Variants in UBE2E2 observed in about 807,000 individuals in gnomAD.
UBE2E2 encodes ubiquitin-conjugating enzyme E2 E2.
In UBE2E2, 6 loss-of-function variants were observed where a neutral mutation model predicts 24.7. That is an observed-to-expected ratio of 0.24 (90% confidence interval 0.13 to 0.48). The LOEUF (loss-of-function observed/expected upper bound fraction) is 0.48, where lower values mean the gene tolerates loss of function less well. Among genes scored for constraint, UBE2E2 ranks in the 20% least tolerant of loss-of-function variants. The pLI, the probability that UBE2E2 is intolerant of heterozygous loss-of-function variation, is 0.99. For synonymous variants in UBE2E2, 104 were observed against 83.6 expected, an observed-to-expected ratio of 1.24 and a Z score of -1.33; for missense variants, 169 against 245.0, an observed-to-expected ratio of 0.69 and a Z score of 2.07.
chr3:23,497,967 GATTTTTGCATTTGC>G (rs1370050687), intron 3 of UBE2E2, among the ~76,000 whole-genome samples: 1 of 152,088 alleles, frequency 6.6e-6, no homozygotes, highest in Non-Finnish European at 1.5e-5. Context: ...GTCAGGCATT[GATTTTTGCATTTGC>G]ATTTTGTAAA....
chr3:23,509,726 C>A (rs1485897357), intron 4 of UBE2E2, among the ~76,000 whole-genome samples: 1 of 120,024 alleles, frequency 8.3e-6, no homozygotes, highest in East Asian at 3.0e-4. Flanking sequence ...ATCCCTCCCC[C>A]CTCCCCCCAC....
chr3:23,567,371 A>G (rs745436904), intron 5 of UBE2E2, among the ~76,000 whole-genome samples: 5 of 152,224 alleles, frequency 3.3e-5, no homozygotes, highest in East Asian at 3.8e-4. Context: ...GGTTTAAACA[A>G]CAGTATGTTC....
chr3:23,463,461 C>T (rs1698854533), intron 3 of UBE2E2, among the ~76,000 whole-genome samples: 1 of 151,954 alleles, frequency 6.6e-6, no homozygotes, highest in African/African-American at 2.4e-5. Flanking sequence ...CAGTTTCTAC[C>T]ATATATTGAC....
intron 4 of UBE2E2, among the ~76,000 whole-genome samples, chr3:23,513,490 C>G (rs1694654463): frequency 6.6e-6 from 1 of 151,982 alleles, no homozygotes; most frequent in African/African-American, 2.4e-5. Context: ...TAATCTTTTG[C>G]CATCACAAAT....
chr3:23,379,465 A>G (rs533826772), intron 3 of UBE2E2, among the ~76,000 whole-genome samples: 31 of 143,732 alleles, frequency 2.2e-4, no homozygotes, highest in Admixed American at 7.3e-4. Context: ...TCATTGTTCA[A>G]TTCCCACCTA....
chr3:23,400,263 AC>A (rs995281665), intron 3 of UBE2E2, among the ~76,000 whole-genome samples: 1 of 152,216 alleles, frequency 6.6e-6, no homozygotes, highest in African/African-American at 2.4e-5. Context: ...TAGAATTCTT[AC>A]CAATTTCTTT....
chr3:23,271,141 C>T lies in UBE2E2; in HGVS notation c.227+53829C>T, dbSNP rs1358741003. On this transcript the variant is annotated intron_variant, in intron 3 of 5. Transcript: ENST00000396703. Reference sequence around the variant, plus strand: ...TTCAGAAACTTGTATTCTAATGGACCTTCAAAAGATGGCAAGTATTGTGTC... The same window carrying T: ...TTCAGAAACTTGTATTCTAATGGACTTTCAAAAGATGGCAAGTATTGTGTC... 3 of 420,196 alleles carry T rather than the reference C, an allele frequency of 7.1e-6. No homozygotes were observed. The Admixed American group carries it at 8.4e-5, about 12-fold the overall frequency. The allele number at this position is 420,196 out of a possible 1,614,324, so 26.0% of individuals were successfully genotyped here.
chr3:23,212,823 T>G (rs1413965970), intron 2 of UBE2E2, among the ~76,000 whole-genome samples: 1 of 152,144 alleles, frequency 6.6e-6, no homozygotes, highest in East Asian at 1.9e-4. Context: ...AAAATTTATG[T>G]GCACAATTAT....
At chr3:23,513,151 T>C (rs1694647278) in intron 4 of UBE2E2, among the ~76,000 whole-genome samples, 1 of 152,178 alleles carries the variant, frequency 6.6e-6, no homozygotes, top group Admixed American at 6.5e-5. Context: ...CTTCATTTCT[T>C]TTTTCTTTTC....
At chr3:23,546,587 C>CCT (rs1439181171) in intron 5 of UBE2E2, among the ~76,000 whole-genome samples, 2 of 148,780 alleles carry the variant, frequency 1.3e-5, no homozygotes, top group African/African-American at 5.0e-5. Flanking sequence ...AATTCTCTTG[C>CCT]CTCAGCCTCC....
At chr3:23,287,383 G>A (rs1347194730) in intron 3 of UBE2E2, among the ~76,000 whole-genome samples, 2 of 152,066 alleles carry the variant, frequency 1.3e-5, no homozygotes, top group Non-Finnish European at 2.9e-5. Flanking sequence ...CCTGTAGTTT[G>A]CATTTTTTGG....
chr3:23,575,271 T>C (rs1696322713), intron 5 of UBE2E2, among the ~76,000 whole-genome samples: 1 of 152,090 alleles, frequency 6.6e-6, no homozygotes, highest in Admixed American at 6.6e-5. Flanking sequence ...TAACAGTAAG[T>C]CCAAGTGATG....
At chr3:23,570,000 T>G (rs116655596) in intron 5 of UBE2E2, among the ~76,000 whole-genome samples, 294 of 152,326 alleles carry the variant, frequency 1.9e-3, no homozygotes, top group Admixed American at 5.6e-3. Context: ...TAACAATATC[T>G]AGCAGATCTT....
At chr3:23,519,095 T>G (rs1171086309) in intron 4 of UBE2E2, among the ~76,000 whole-genome samples, 1 of 152,226 alleles carries the variant, frequency 6.6e-6, no homozygotes, top group African/African-American at 2.4e-5. Flanking sequence ...ACTCCTTCCC[T>G]AAGACTCCAA....
At chr3:23,315,306 T>G in intron 3 of UBE2E2, among the ~76,000 whole-genome samples, 1 of 133,600 alleles carries the variant, frequency 7.5e-6, no homozygotes, top group Admixed American at 7.0e-5. Flanking sequence ...GTGCTTCATT[T>G]TTTTTTTTTT....
chr3:23,284,822 T>G (rs751260260), intron 3 of UBE2E2, among the ~76,000 whole-genome samples: 20 of 151,816 alleles, frequency 1.3e-4, no homozygotes, highest in Non-Finnish European at 2.8e-4. Context: ...TCCTTTGTGT[T>G]TCAAGTAATC....
At chr3:23,211,207 A>G (rs1452671325) in intron 2 of UBE2E2, among the ~76,000 whole-genome samples, 1 of 152,146 alleles carries the variant, frequency 6.6e-6, no homozygotes, top group Non-Finnish European at 1.5e-5. Flanking sequence ...GTGTGTTCAG[A>G]AGATTAAAAG....
intron 3 of UBE2E2, among the ~76,000 whole-genome samples, chr3:23,230,173 T>G (rs1696935563): frequency 1.3e-5 from 2 of 152,222 alleles, no homozygotes; most frequent in African/African-American, 4.8e-5. Flanking sequence ...TCAGTTCTAT[T>G]AATTGGTTAG....
intron 3 of UBE2E2, among the ~76,000 whole-genome samples, chr3:23,396,923 A>G (rs1033302638): frequency 2.6e-5 from 4 of 152,194 alleles, no homozygotes; most frequent in Admixed American, 6.5e-5. Flanking sequence ...GGAGCTAGAA[A>G]GGTGAACAAT....
Sources: allele counts gnomAD v4.1 joint callset (sites outside exome capture counted in the v4.1 genomes callset), GRCh38; gene constraint gnomAD v4.1.1; transcripts MANE v1.5; gene names NCBI Gene and HGNC (gene_info 2026-07-23, HGNC 2026-07-21).